TMEM114: variants seen among roughly 807,000 people sequenced by gnomAD.
TMEM114 encodes the protein claudin-26.
A neutral mutation model predicts 6.2 loss-of-function variants in TMEM114; 6 were observed. The ratio of observed to expected loss-of-function variants is 0.97; its 90% CI spans 0.53 to 1.91. The LOEUF (loss-of-function observed/expected upper bound fraction) is 1.91. Ranked by LOEUF, TMEM114 falls within the 40% of genes most tolerant of loss-of-function variation. TMEM114 has a pLI of 0.01. For missense variants in TMEM114, 218 were observed against 158.3 expected (o/e 1.38, Z -2.02); for synonymous variants, 104 against 73.0 (o/e 1.42, Z -2.16).
chr16:8,534,719 T>C (rs1900307107), downstream of TMEM114, among the ~76,000 whole-genome samples: 1 of 152,348 alleles, frequency 6.6e-6, no homozygotes, highest in Non-Finnish European at 1.5e-5. Flanking sequence ...CTCTCACTTA[T>C]AAAATCTACA....
chr16:8,587,926 C>A (rs1439193433), intron 2 of TMEM114, among the ~76,000 whole-genome samples: 1 of 151,768 alleles, frequency 6.6e-6, no homozygotes, highest in Admixed American at 6.6e-5. Context: ...AAGGCAGGAA[C>A]ATCACTTGAC....
At chr16:8,528,190 C>T in the TMEM114 span, among the ~76,000 whole-genome samples, 1 of 152,094 alleles carries the variant, frequency 6.6e-6, no homozygotes, top group African/African-American at 2.4e-5. Flanking sequence ...TTTGAGCCAC[C>T]ATGCCAGAAC....
chr16:8,563,817 G>GTGAC (rs1901393157), intron 2 of TMEM114, among the ~76,000 whole-genome samples: 1 of 139,198 alleles, frequency 7.2e-6, no homozygotes, highest in Admixed American at 7.0e-5. Context: ...GAGGGAATGA[G>GTGAC]TGAGTGAGTG....
At chr16:8,575,911 C>T (rs1431198356) in intron 2 of TMEM114, among the ~76,000 whole-genome samples, 2 of 152,178 alleles carry the variant, frequency 1.3e-5, no homozygotes, top group Non-Finnish European at 2.9e-5. Context: ...GCCGGGAGAC[C>T]TGATTCCCAT....
chr16:8,532,324 C>A, the TMEM114 span, among the ~76,000 whole-genome samples: 34 of 152,132 alleles, frequency 2.2e-4, no homozygotes, highest in Non-Finnish European at 2.1e-4. Context: ...CTTGTCCAAG[C>A]CACATCCTCT....
chr16:8,564,877 G>A (rs1242249854), downstream of TMEM114, among the ~76,000 whole-genome samples: 28 of 36,324 alleles, frequency 7.7e-4, no homozygotes, highest in Admixed American at 1.3e-3. Flanking sequence ...GAGGGAGGGA[G>A]GGAGTGAATG....
chr16:8,559,533 A>C (rs934208869), intron 2 of TMEM114, among the ~76,000 whole-genome samples: 3 of 152,230 alleles, frequency 2.0e-5, no homozygotes, highest in Admixed American at 1.3e-4. Context: ...AGCAAACTCC[A>C]CCAAGGAACA....
chr16:8,566,514 C>T (rs955567866), downstream of TMEM114, among the ~76,000 whole-genome samples: 1 of 152,090 alleles, frequency 6.6e-6, no homozygotes, highest in African/African-American at 2.4e-5. Flanking sequence ...CAGAACACAA[C>T]AGAATGGATC....
intron 2 of TMEM114, 28 bp from the exon 3 acceptor site, chr16:8,572,252 C>T: frequency 6.4e-7 from 1 of 1,551,502 alleles, no homozygotes; most frequent in Non-Finnish European, 8.7e-7. Flanking sequence ...GGATACCAGG[C>T]AGAGGACAGT....
intron 3 of TMEM114, among the ~76,000 whole-genome samples, chr16:8,571,646 T>C (rs116380652): frequency 6.9e-6 from 1 of 144,834 alleles, no homozygotes; most frequent in South Asian, 2.3e-4. Flanking sequence ...CTCTTCTAGA[T>C]TCTACATAGA....
At chr16:8,555,398 A>T (rs1900977543) in intron 2 of TMEM114, among the ~76,000 whole-genome samples, 1 of 152,212 alleles carries the variant, frequency 6.6e-6, no homozygotes, top group Non-Finnish European at 1.5e-5. Context: ...AGTCGTCTTT[A>T]TACCCACTTT....
chr16:8,577,585 T>G (rs553799900), intron 2 of TMEM114, among the ~76,000 whole-genome samples: 71 of 149,282 alleles, frequency 4.8e-4, no homozygotes, highest in Non-Finnish European at 9.8e-4. Flanking sequence ...TTGTTTTTTG[T>G]TTTTTGTTTT....
At chr16:8,530,614 G>A in the TMEM114 span, among the ~76,000 whole-genome samples, 1 of 151,908 alleles carries the variant, frequency 6.6e-6, no homozygotes, top group Non-Finnish European at 1.5e-5. Flanking sequence ...AGAAGGGAAG[G>A]TGGGATGGAT....
At chr16:8,531,524 G>A in the TMEM114 span, among the ~76,000 whole-genome samples, 1 of 152,182 alleles carries the variant, frequency 6.6e-6, no homozygotes, top group Non-Finnish European at 1.5e-5. Flanking sequence ...GAAGGATTCT[G>A]CCACAGCAAG....
At chr16:8,567,366 G>A (rs980604104), downstream of TMEM114, among the ~76,000 whole-genome samples, 2 of 152,228 alleles carry the variant, frequency 1.3e-5, no homozygotes, top group African/African-American at 4.8e-5. Context: ...CCCTGGAACA[G>A]TCTCTGACAC....
intron 2 of TMEM114, among the ~76,000 whole-genome samples, chr16:8,573,514 C>T (rs1036817588): frequency 9.2e-5 from 14 of 152,234 alleles, no homozygotes; most frequent in African/African-American, 3.4e-4. Flanking sequence ...GTCTATACCT[C>T]TGTCACTATT....
chr16:8,534,982 G>T (rs575535208), downstream of TMEM114, among the ~76,000 whole-genome samples: 1 of 152,282 alleles, frequency 6.6e-6, no homozygotes, highest in East Asian at 1.9e-4. Flanking sequence ...TTCTCCATCG[G>T]TCTCAGTGAC....
chr16:8,586,028 G>A (rs543742495), intron 2 of TMEM114, among the ~76,000 whole-genome samples: 1 of 152,320 alleles, frequency 6.6e-6, no homozygotes, highest in Non-Finnish European at 1.5e-5. Context: ...TTGTTGCACT[G>A]TCAAGATTGA....
In TMEM114 at chr16:8,572,091, A is replaced by G; in HGVS notation, c.435T>C (p.Phe145=). ...CTAGGCAGGGTGGGCACCTACCTCCAAAGAGGAAGAGAATTCCAGTGAGCA... is the reference window on the plus strand; with the variant it reads ...CTAGGCAGGGTGGGCACCTACCTCCGAAGAGGAAGAGAATTCCAGTGAGCA... ...LLLLTGILFL[F]GAMVTLAGIS... is the part of the protein sequence containing the mutation. The change falls in exon 3 of 4, where the codon TTT becomes TTC. Residue 145 remains phenylalanine (F), a synonymous_variant. Coordinates refer to ENST00000620492, the MANE Select transcript of TMEM114 (RefSeq NM_001146336.2). 6.5e-7 allele frequency: 1 copy of G among 1,546,330 alleles called. No homozygotes were observed. The highest frequency in any genetic ancestry group is 1.4e-5 in the African/African-American group (1 of 73,028).
Sources: gnomAD v4.1 joint callset for allele counts (sites outside exome capture counted in the v4.1 genomes callset) on GRCh38, gnomAD v4.1.1 for gene constraint, MANE v1.5 for transcripts, NCBI Gene and HGNC (gene_info 2026-07-23, HGNC 2026-07-21) for gene names.